The following B3GALT1 variants were observed in gnomAD, a reference collection of about 807,000 sequenced individuals.
B3GALT1 encodes the protein beta-1,3-galactosyltransferase 1, also known as UDP-Gal:betaGlcNAc beta 1,3-galactosyltransferase, polypeptide 1.
A neutral mutation model predicts 23.2 loss-of-function variants in B3GALT1; 10 were observed. That is an observed-to-expected ratio of 0.43 (90% CI 0.27 to 0.73). The LOEUF is 0.73. Among genes scored for constraint, B3GALT1 ranks in the 30% least tolerant of loss-of-function variants. The pLI is 0.21. For missense variants in B3GALT1, 299 were observed against 405.4 expected, an observed-to-expected ratio of 0.74 and a Z score of 2.25; for synonymous variants, 156 against 141.5, an observed-to-expected ratio of 1.10 and a Z score of -0.73.
intron 3 of B3GALT1, among the ~76,000 whole-genome samples, chr2:167,670,863 T>G (rs1207237184): frequency 1.3e-5 from 2 of 151,800 alleles, no homozygotes; most frequent in East Asian, 3.9e-4. Flanking sequence ...AAAAAAAGAA[T>G]GAAGAAGAGT....
At chr2:167,656,181 G>A (rs371497650) in intron 3 of B3GALT1, among the ~76,000 whole-genome samples, 4 of 152,084 alleles carry the variant, frequency 2.6e-5, no homozygotes, top group African/African-American at 7.2e-5. Context: ...AAACCACTTT[G>A]TAATCTTCCT....
At chr2:167,628,148 G>A (rs972461677) in intron 2 of B3GALT1, among the ~76,000 whole-genome samples, 1 of 151,642 alleles carries the variant, frequency 6.6e-6, no homozygotes, top group Non-Finnish European at 1.5e-5. Flanking sequence ...TTCCCAGTCT[G>A]TGGCCTGTCT....
chr2:167,458,152 C>T (rs1574087769), intron 1 of B3GALT1, among the ~76,000 whole-genome samples: 1 of 152,160 alleles, frequency 6.6e-6, no homozygotes, highest in African/African-American at 2.4e-5. Flanking sequence ...TAACAACCAC[C>T]ACCCTACTTT....
chr2:167,509,693 GC>G (rs996679115), intron 2 of B3GALT1, among the ~76,000 whole-genome samples: 4 of 152,160 alleles, frequency 2.6e-5, no homozygotes, highest in African/African-American at 9.6e-5. Context: ...TGGTCAATGA[GC>G]AGGACATTCA....
intron 1 of B3GALT1, among the ~76,000 whole-genome samples, chr2:167,349,849 C>T (rs889798963): frequency 3.3e-5 from 5 of 151,982 alleles, no homozygotes; most frequent in African/African-American, 1.2e-4. Flanking sequence ...TATCTTCTCC[C>T]TATAGGAATT....
At chr2:167,853,251 C>T (rs1689937771) in intron 4 of B3GALT1, among the ~76,000 whole-genome samples, 1 of 152,132 alleles carries the variant, frequency 6.6e-6, no homozygotes, top group South Asian at 2.1e-4. Flanking sequence ...GCTCCCTACT[C>T]TAGAAATAAA....
intron 1 of B3GALT1, among the ~76,000 whole-genome samples, chr2:167,317,163 T>C (rs749968509): frequency 2.0e-5 from 3 of 152,126 alleles, no homozygotes; most frequent in Non-Finnish European, 2.9e-5. Flanking sequence ...ACATAAATAA[T>C]GTGTTTATGT....
intron 1 of B3GALT1, among the ~76,000 whole-genome samples, chr2:167,488,019 A>G (rs972533129): frequency 2.0e-5 from 3 of 152,202 alleles, no homozygotes; most frequent in Non-Finnish European, 4.4e-5. Flanking sequence ...ATGCCTTAGG[A>G]CATAGACGAC....
chr2:167,501,319 G>A (rs745493968), intron 2 of B3GALT1, among the ~76,000 whole-genome samples: 8 of 151,770 alleles, frequency 5.3e-5, no homozygotes, highest in Admixed American at 4.6e-4. Flanking sequence ...TAAAAAATGT[G>A]TATTAACTCA....
chr2:167,731,091 A>G (rs1687402509), intron 3 of B3GALT1, among the ~76,000 whole-genome samples: 1 of 152,184 alleles, frequency 6.6e-6, no homozygotes, highest in Non-Finnish European at 1.5e-5. Flanking sequence ...GCATACTCCT[A>G]ACCACTAAAC....
intron 2 of B3GALT1, among the ~76,000 whole-genome samples, chr2:167,519,254 A>G (rs1195482998): frequency 2.6e-5 from 4 of 152,178 alleles, no homozygotes; most frequent in African/African-American, 9.6e-5. Context: ...TACTGAACAT[A>G]GATCAGAACT....
chr2:167,851,319 A>G (rs1054870589), intron 4 of B3GALT1, among the ~76,000 whole-genome samples: 2 of 152,222 alleles, frequency 1.3e-5, no homozygotes. Flanking sequence ...CCTACCTTTT[A>G]TTAGAACTCG....
chr2:167,394,793 A>G (rs1370287016), intron 1 of B3GALT1, among the ~76,000 whole-genome samples: 1 of 152,204 alleles, frequency 6.6e-6, no homozygotes, highest in East Asian at 1.9e-4. Flanking sequence ...ATTCTCAGGC[A>G]TTGAAACCTA....
intron 3 of B3GALT1, among the ~76,000 whole-genome samples, chr2:167,712,358 TG>T: frequency 6.6e-6 from 1 of 151,650 alleles, no homozygotes; most frequent in East Asian, 1.9e-4. Flanking sequence ...ATGTGATTAG[TG>T]TTGGATGAAG....
At chr2:167,450,531 T>A (rs1468487003) in intron 1 of B3GALT1, among the ~76,000 whole-genome samples, 1 of 152,206 alleles carries the variant, frequency 6.6e-6, no homozygotes, top group Non-Finnish European at 1.5e-5. Flanking sequence ...CCCCAATCCC[T>A]TATAGCTTGT....
chr2:167,736,476 T>A (rs530950944), intron 3 of B3GALT1, among the ~76,000 whole-genome samples: 2 of 152,178 alleles, frequency 1.3e-5, no homozygotes, highest in Non-Finnish European at 2.9e-5. Context: ...AGTCTTAAAA[T>A]GGCAAGCTCA....
chr2:167,490,340 A>G (rs1672400208), intron 2 of B3GALT1, 63 bp downstream of exon 2: 1 of 152,258 alleles, frequency 6.6e-6, no homozygotes, highest in African/African-American at 2.4e-5. Context: ...TGATATAAAA[A>G]TAGATGATAT....
chr2:167,623,623 G>A (rs1309592463), intron 2 of B3GALT1, among the ~76,000 whole-genome samples: 1 of 152,014 alleles, frequency 6.6e-6, no homozygotes, highest in Non-Finnish European at 1.5e-5. Flanking sequence ...GCAAGGTGAG[G>A]GATAGCATTA....
chr2:167,731,881 A>G (rs1177050960), intron 3 of B3GALT1, among the ~76,000 whole-genome samples: 4 of 152,096 alleles, frequency 2.6e-5, no homozygotes, highest in African/African-American at 7.2e-5. Flanking sequence ...TTCCCCAACT[A>G]TTAATTGTCT....
Sources: allele counts gnomAD v4.1 joint callset (sites outside exome capture counted in the v4.1 genomes callset), GRCh38; gene constraint gnomAD v4.1.1; transcripts MANE v1.5; gene names NCBI Gene and HGNC (gene_info 2026-07-23, HGNC 2026-07-21).